The following EFCAB8 variants were observed in gnomAD, a reference collection of about 807,000 sequenced individuals.
EFCAB8 encodes EF-hand calcium-binding domain-containing protein 8.
A neutral mutation model predicts 116.3 loss-of-function variants in EFCAB8; 100 were observed. The ratio of observed to expected loss-of-function variants is 0.86; its 90% confidence interval spans 0.73 to 1.02. EFCAB8 has a LOEUF of 1.02. Among genes scored for constraint, EFCAB8 ranks in the 50% least tolerant of loss-of-function variants. The pLI is 0.00. For synonymous variants in EFCAB8, 558 were observed against 567.9 expected, an observed-to-expected ratio of 0.98 and a Z score of 0.25; for missense variants, 1,320 against 1,416.9, an observed-to-expected ratio of 0.93 and a Z score of 1.10.
Position 32,911,538 on chromosome 20 carries a change from A to G in EFCAB8, c.1616A>G (p.Lys539Arg), listed in dbSNP as rs1375350394. The G allele has an allele frequency of 6.6e-7, 1 of 1,525,434 alleles. No homozygotes were observed. Among genetic ancestry groups the G allele is most frequent in the Non-Finnish European group, 8.8e-7 (1 of 1,131,184 alleles). The allele number at this position is 1,525,434 out of a possible 1,614,324, so 94.5% of individuals were successfully genotyped here. The change falls in exon 16 of 27, where the codon AAG becomes AGG. Residue 539 changes from lysine (K) to arginine (R), a missense_variant. Coordinates refer to ENST00000400522, the MANE Select transcript of EFCAB8 (RefSeq NM_001143967.2). Reference protein sequence around the residue: ...VSVWEVVTGRKTMEFAVSGGQ... With the variant: ...VSVWEVVTGRRTMEFAVSGGQ... ...GTGTGGGAGGTCGTGACGGGCAGGAAGACGATGGAGTTTGCTGTGTCTGGG... is the reference window on the plus strand; with the variant it reads ...GTGTGGGAGGTCGTGACGGGCAGGAGGACGATGGAGTTTGCTGTGTCTGGG...
chr20:32,902,627 A>G (rs1021233249), intron 11 of EFCAB8, among the ~76,000 whole-genome samples: 1 of 152,200 alleles, frequency 6.6e-6, no homozygotes, highest in Non-Finnish European at 1.5e-5. Context: ...CACCCCATGC[A>G]TTCTTGTCTG....
At chr20:32,935,263 C>G in intron 22 of EFCAB8, among the ~76,000 whole-genome samples, 1 of 126,790 alleles carries the variant, frequency 7.9e-6, no homozygotes, top group African/African-American at 2.9e-5. Context: ...TGCATTGATC[C>G]AATCTTGGCT....
At chr20:32,928,000 C>G (rs1014712145) in intron 20 of EFCAB8, among the ~76,000 whole-genome samples, 4 of 152,136 alleles carry the variant, frequency 2.6e-5, no homozygotes. Context: ...CCCTCTCCCT[C>G]CAAACCCTGG....
intron 18 of EFCAB8, among the ~76,000 whole-genome samples, chr20:32,917,818 C>G (rs748315714): frequency 6.6e-6 from 1 of 152,204 alleles, no homozygotes; most frequent in Non-Finnish European, 1.5e-5. Context: ...GTAGATTACT[C>G]GCTCCTTTCC....
intron 22 of EFCAB8, among the ~76,000 whole-genome samples, chr20:32,934,013 CTTTTT>C (rs112853872): frequency 7.1e-6 from 1 of 140,558 alleles, no homozygotes; most frequent in Non-Finnish European, 1.5e-5. Context: ...AAATCAAAAA[CTTTTT>C]TTTTTTTTTT....
chr20:32,889,516 T>A, intron 7 of EFCAB8, 110 bp downstream of exon 7: 1 of 1,118,058 alleles, frequency 8.9e-7, no homozygotes, highest in Non-Finnish European at 1.3e-6. Flanking sequence ...CAGAGCCCCC[T>A]GGGAGGATAG....
At chr20:32,953,390 G>A (rs1237704073) in intron 23 of EFCAB8, among the ~76,000 whole-genome samples, 1 of 152,070 alleles carries the variant, frequency 6.6e-6, no homozygotes, top group Non-Finnish European at 1.5e-5. Context: ...TTCATTTTTT[G>A]AGGAACCTCC....
chr20:32,895,832 A>G (rs1009273990), intron 9 of EFCAB8, among the ~76,000 whole-genome samples: 2 of 151,222 alleles, frequency 1.3e-5, no homozygotes, highest in African/African-American at 2.4e-5. Flanking sequence ...CGCCCTCCCA[A>G]AGTGCTGGGA....
At chr20:32,866,926 G>A (rs553068330) in intron 2 of EFCAB8, among the ~76,000 whole-genome samples, 3 of 110,284 alleles carry the variant, frequency 2.7e-5, no homozygotes, top group Admixed American at 1.9e-4. Context: ...CGTTTCTTTC[G>A]TTTCTTTTTT....
intron 3 of EFCAB8, among the ~76,000 whole-genome samples, chr20:32,870,034 C>T (rs1315830815): frequency 6.6e-6 from 1 of 152,198 alleles, no homozygotes; most frequent in Non-Finnish European, 1.5e-5. Context: ...TTAAAGGCAT[C>T]TTTCTTTATA....
chr20:32,911,788 T>A, intron 16 of EFCAB8, 81 bp downstream of exon 16: 1 of 1,357,814 alleles, frequency 7.4e-7, no homozygotes, highest in Non-Finnish European at 1.0e-6. Context: ...GGATGCACTA[T>A]TTTTTGTACC....
chr20:32,900,037 T>C (rs890024021), intron 11 of EFCAB8, among the ~76,000 whole-genome samples: 2 of 152,148 alleles, frequency 1.3e-5, no homozygotes, highest in African/African-American at 4.8e-5. Context: ...GACATTTTGC[T>C]TCTGCACAGG....
chr20:32,929,155 AAT>A (rs1031585321), intron 20 of EFCAB8, among the ~76,000 whole-genome samples: 64 of 149,876 alleles, frequency 4.3e-4, no homozygotes, highest in African/African-American at 1.5e-3. Context: ...TTTTTCTTAT[AAT>A]GTCTTTGTCT....
chr20:32,903,281 C>T (rs1003445720), intron 11 of EFCAB8, among the ~76,000 whole-genome samples: 1 of 152,220 alleles, frequency 6.6e-6, no homozygotes, highest in African/African-American at 2.4e-5. Context: ...CTCCTTCTCA[C>T]CCTTCAGGTC....
chr20:32,927,200 T>G (rs1024284596), intron 20 of EFCAB8, among the ~76,000 whole-genome samples: 11 of 152,162 alleles, frequency 7.2e-5, no homozygotes, highest in Admixed American at 4.6e-4. Flanking sequence ...ATTACAAAAG[T>G]CACCAGAACT....
At chr20:32,882,897 A>C (rs952899964) in intron 5 of EFCAB8, among the ~76,000 whole-genome samples, 1 of 151,830 alleles carries the variant, frequency 6.6e-6, no homozygotes, top group South Asian at 2.1e-4. Flanking sequence ...GGGTTTCACC[A>C]TGTTAGCCAG....
chr20:32,876,783 G>A (rs892334658), intron 4 of EFCAB8, among the ~76,000 whole-genome samples: 12 of 152,064 alleles, frequency 7.9e-5, no homozygotes, highest in African/African-American at 2.7e-4. Context: ...CCTGGGTAAC[G>A]TGGTAAAACC....
chr20:32,941,348 A>G (rs1460474687), intron 22 of EFCAB8, among the ~76,000 whole-genome samples: 2 of 149,696 alleles, frequency 1.3e-5, no homozygotes, highest in Admixed American at 1.3e-4. Context: ...TAGACTTACC[A>G]TATTACCCAA....
At chr20:32,895,498 TATTTTTTTG>T (rs1369424952) in intron 9 of EFCAB8, among the ~76,000 whole-genome samples, 2 of 151,510 alleles carry the variant, frequency 1.3e-5, no homozygotes, top group Non-Finnish European at 2.9e-5. Context: ...GCTAATTTTT[TATTTTTTTG>T]ATTTTTTTTT....
Sources: allele counts gnomAD v4.1 joint callset (sites outside exome capture counted in the v4.1 genomes callset), GRCh38; gene constraint gnomAD v4.1.1; transcripts MANE v1.5; gene names NCBI Gene and HGNC (gene_info 2026-07-23, HGNC 2026-07-21).